The following MST1R variants were observed in gnomAD, a reference collection of about 807,000 sequenced individuals.
MST1R encodes macrophage stimulating 1 receptor, also known as macrophage-stimulating protein receptor.
MST1R carries 99 observed loss-of-function variants against 117.8 expected under a neutral mutation model. That is an observed-to-expected ratio of 0.84 (90% CI 0.71 to 0.99). MST1R has a LOEUF of 0.99. MST1R is among the 50% of genes least tolerant of loss of function. The probability of loss-of-function intolerance (pLI) is 0.00; values close to 1 mark genes in which losing one functional copy is unlikely to be tolerated. For missense variants in MST1R, 1,683 were observed against 1,840.2 expected (o/e 0.91, Z 1.56); for synonymous variants, 734 against 765.3 (o/e 0.96, Z 0.68).
At chr3:49,902,280 C>T in intron 1 of MST1R, 100 bp downstream of exon 1, 1 of 1,469,324 alleles carries the variant, frequency 6.8e-7, no homozygotes, top group Non-Finnish European at 9.1e-7. Context: ...CGCCTGCCCC[C>T]CCACCGCGCC....
chr3:49,900,158 T>A (rs2082628992), intron 1 of MST1R, among the ~76,000 whole-genome samples: 1 of 152,182 alleles, frequency 6.6e-6, no homozygotes, highest in Admixed American at 6.5e-5. Flanking sequence ...GGTCTGCCTG[T>A]ACTCCTGGCT....
At chr3:49,896,659 C>T in intron 8 of MST1R, 26 bp from the exon 9 acceptor site, 1 of 1,612,824 alleles carries the variant, frequency 6.2e-7, no homozygotes, top group Non-Finnish European at 8.5e-7. Context: ...GGGTGGTAGG[C>T]TTTGGGTGTT....
chr3:49,887,739 C>A (rs1036387457), intron 19 of MST1R, among the ~76,000 whole-genome samples, 177 bp from the exon 20 acceptor site: 1 of 152,254 alleles, frequency 6.6e-6, no homozygotes, highest in Admixed American at 6.5e-5. Context: ...CTGTTCCAGT[C>A]CTGCCTTCCC....
chr3:49,896,063 C>G lies in MST1R; in HGVS notation c.2694G>C (p.Val898=). The G allele has an allele frequency of 6.2e-7, 1 of 1,611,198 alleles. No homozygotes were observed. The highest frequency in any genetic ancestry group is 8.5e-7 in the Non-Finnish European group (1 of 1,178,378). Residue 898 remains valine (V), a synonymous_variant, in exon 11 of 20, where the codon GTG becomes GTC. Coordinates refer to ENST00000296474, the MANE Select transcript of MST1R (RefSeq NM_002447.4). ...GCTGGCAGCTCTCACCACCCACGGT[C>G]ACGTTGATACCCACACAGTCAGCCA... ...GAVADCVGIN[V]TVGGESCQHE...
intron 19 of MST1R, among the ~76,000 whole-genome samples, chr3:49,888,511 A>G (rs1414734592): frequency 9.3e-5 from 14 of 151,234 alleles, no homozygotes; most frequent in Non-Finnish European, 1.8e-4. Flanking sequence ...CTGAGGTAGG[A>G]GAATCACTTG....
Position 49,899,100 on chromosome 3 carries a change from C to T in MST1R, c.1394G>A (p.Gly465Asp), listed in dbSNP as rs34564898. 1.1e-5 allele frequency: 17 copies of T among 1,614,008 alleles called. No individual in the cohort carries two copies. In the East Asian group the frequency reaches 3.6e-4, roughly 34 times the overall value. Residue 465 changes from glycine (G) to aspartate (D), a missense_variant, in exon 2 of 20, where the codon GGC becomes GAC. Gly to Asp is a moderately conservative substitution (Grantham distance 94). Transcript: ENST00000296474. The part of the protein sequence containing the change: ...RLDNVTVAHM[G>D]TMDGRILQVE... ...CTGCAGGATACGCCCATCCATTGTG[C>T]CCATGTGTGCCACTGTGACGTTGTC...
chr3:49,902,528 C>T lies in MST1R; in HGVS notation c.1082G>A (p.Gly361Asp), dbSNP rs1405494753. The change falls in exon 1 of 20, where the codon GGC (glycine) becomes GAC (aspartate). Residue 361 changes from glycine (G) to aspartate (D), a missense_variant. Physicochemically the swap from Gly to Asp is moderately conservative, Grantham distance 94. Coordinates refer to ENST00000296474, the MANE Select transcript of MST1R (RefSeq NM_002447.4). ...GAAGGCACAGACGACAGAGTTGGGG[C>T]CCACGCCAGGACCACCATCCTTGCC... ...VTGKDGGPGV[G>D]PNSVVCAFPI... 1.2e-6 allele frequency: 2 copies of T among 1,614,094 alleles called. No individual in the cohort carries two copies. Among genetic ancestry groups the T allele is most frequent in the South Asian group, 1.1e-5 (1 of 91,090 alleles).
At position 49,891,392 on chromosome 3, in the gene MST1R, C is replaced by A. The variant is rs1423258169; in HGVS notation, c.3534+7G>T. ...AGCCCCCAACCCAGAGCCAGATGAA[C>A]ACTGACCCGCTGAGGTGAGCGGATG... On this transcript the variant is annotated splice_region_variant and intron_variant, in intron 16 of 19. Coordinates refer to ENST00000296474, the MANE Select transcript of MST1R (RefSeq NM_002447.4). 2 of 1,613,766 alleles carry A rather than the reference C, an allele frequency of 1.2e-6. No individual in the cohort carries two copies. Among genetic ancestry groups the A allele is most frequent in the Non-Finnish European group, 1.7e-6 (2 of 1,179,926 alleles).
rs2082421633 is a variant in MST1R, at chr3:49,895,074, G to C, written c.3271+93C>G. 5 of 1,388,812 alleles carry C rather than the reference G, an allele frequency of 3.6e-6. No homozygotes were observed. In the South Asian group the frequency reaches 6.0e-5, roughly 17 times the overall value. 86.0% of individuals were successfully genotyped at this position (1,388,812 alleles called of 1,614,324 possible). ...GATCTGCCCGCCTCGGCCTCCCAAA[G>C]TGCTGGGATTACAGGAGTGAGCCAC... On this transcript the variant is annotated intron_variant, in intron 14 of 19. Coordinates refer to ENST00000296474, the MANE Select transcript of MST1R (RefSeq NM_002447.4).
chr3:49,895,329 C>T lies in MST1R; in HGVS notation c.3109G>A (p.Gly1037Arg). The T allele has an allele frequency of 1.2e-6, 2 of 1,614,214 alleles. No homozygotes were observed. The highest frequency in any genetic ancestry group is 1.3e-5 in the African/African-American group (1 of 75,056). ...DGLDSTTCVH[G>R]ASFSDSEDES... ...TCTTCACTATCGGAGAAGGATGCTC[C>T]ATGGACACAAGTGGTGGAATCCAGA... Residue 1037 changes from glycine to arginine, a missense_variant, in exon 14 of 20, where the codon GGA (glycine) becomes AGA (arginine). By Grantham distance (125) the Gly-to-Arg change is moderately radical (BLOSUM62 -2). Coordinates refer to ENST00000296474, the MANE Select transcript of MST1R (RefSeq NM_002447.4).
At chr3:49,888,782 T>C (rs138006244) in intron 19 of MST1R, among the ~76,000 whole-genome samples, 62 of 152,270 alleles carry the variant, frequency 4.1e-4, no homozygotes, top group Non-Finnish European at 7.6e-4. Flanking sequence ...CATATAATTC[T>C]CAGACTCTCG....
chr3:49,894,840 G>C (rs530601104), intron 14 of MST1R, among the ~76,000 whole-genome samples: 1 of 149,954 alleles, frequency 6.7e-6, no homozygotes, highest in South Asian at 2.1e-4. Flanking sequence ...AAGGAGTCTC[G>C]CTCTGTCGCC....
rs1197686913 is a variant in MST1R at position 49,903,565 on chromosome 3, C to T, written c.45G>A (p.Leu15=). ...CCGCCGCGGGCTTGGCAGGCAACAGCAGCAGCAACAGGAAGGACTGAGGCA... is the reference window on the plus strand; with the variant it reads ...CCGCCGCGGGCTTGGCAGGCAACAGTAGCAGCAACAGGAAGGACTGAGGCA... ...PPLPQSFLLL[L]LLPAKPAAGE... Residue 15 remains leucine (L), a synonymous_variant, in exon 1 of 20, where the codon CTG becomes CTA. Coordinates refer to ENST00000296474, the MANE Select transcript of MST1R (RefSeq NM_002447.4). 3 of 1,589,002 alleles carry T rather than the reference C, an allele frequency of 1.9e-6. No individual in the cohort carries two copies. Among genetic ancestry groups the T allele is most frequent in the East Asian group, 4.5e-5 (2 of 44,774 alleles).
rs753559922 is a variant in MST1R at position 49,896,545 on chromosome 3, T to C, written c.2434A>G (p.Ser812Gly). 24 of 1,614,154 alleles carry C rather than the reference T, an allele frequency of 1.5e-5. No individual in the cohort carries two copies. The highest frequency in any genetic ancestry group is 1.3e-5 in the Non-Finnish European group (15 of 1,180,008). ...SFHDGLRAVE[S>G]RCERQLPEQQ... ...CCTGGCCAGCACTCACTCACCCTGC[T>C]TTCCACTGCCCTAAGCCCGTCATGG... Residue 812 changes from serine (S) to glycine (G), a missense_variant, in exon 9 of 20, where the codon AGC becomes GGC. Physicochemically the swap from Ser to Gly is moderately conservative, Grantham distance 56. Transcript: ENST00000296474.
Position 49,895,441 on chromosome 3 carries a change from T to C in MST1R, c.3064+6A>G, listed in dbSNP as rs778052429. ...GCTTTAGCTTCTCATGCCTCCACTA[T>C]CTCACCAAGGCCACTTCTGTAGTCA... is the stretch of plus-strand genomic sequence containing the variant. On this transcript the variant is annotated splice_donor_region_variant and intron_variant, in intron 13 of 19. Transcript: ENST00000296474. The C allele has an allele frequency of 7.4e-6, 12 of 1,614,004 alleles. No homozygotes were observed. The South Asian group carries it at 1.3e-4, about 18-fold the overall frequency.
Position 49,902,917 on chromosome 3 carries a change from G to GC in MST1R, c.692dup (p.Phe232LeufsTer17), listed in dbSNP as rs905652238. ...TGGGCAGCACTGACAACGCCACAAA[G>GC]CCCGGTGCGAATCCCGAGGCGTCAG... On this transcript the variant is annotated frameshift_variant, in exon 1 of 20. Coordinates refer to ENST00000296474, the MANE Select transcript of MST1R (RefSeq NM_002447.4). LOFTEE classifies it high-confidence loss of function. The GC allele has an allele frequency of 1.9e-5, 30 of 1,613,370 alleles. No homozygotes were observed. In the Admixed American group the frequency reaches 2.3e-4, roughly 13 times the overall value.
rs2082546153 is a variant in MST1R, at chr3:49,898,165, A to G, written c.1766T>C (p.Leu589Pro). The change falls in exon 5 of 20, where the codon CTG (leucine) becomes CCG (proline). Residue 589 changes from leucine (L) to proline (P), a missense_variant. By Grantham distance (98) the Leu-to-Pro change is moderately conservative. Coordinates refer to ENST00000296474, the MANE Select transcript of MST1R (RefSeq NM_002447.4). Reference protein sequence around the residue: ...GPLRGSTRLTLCGSNFYLHPS... With the variant: ...GPLRGSTRLTPCGSNFYLHPS... ...GTGAAGGTAGAAGTTGGAGCCACAC[A>G]GGGTCAGCCTTGTACTGCCCCTTAG... The G allele has an allele frequency of 1.9e-6, 3 of 1,613,978 alleles. No homozygotes were observed. The East Asian group carries it at 6.7e-5, about 36-fold the overall frequency.
rs2082470873 is a variant in MST1R at position 49,896,330 on chromosome 3, CA to C, written c.2513del (p.Val838GlyfsTer5). ...EYVVRDPQGW[V>X]AGNLSARGDG... The stretch of plus-strand genomic sequence containing the variant: ...CCCCTCGGGCACTCAGATTCCCTGC[CA>C]CCCATCCCTGGGGGTCTCGGACCAC... On this transcript the variant is annotated frameshift_variant, in exon 10 of 20. Transcript: ENST00000296474. LOFTEE classifies it high-confidence loss of function. The C allele has an allele frequency of 3.1e-6, 5 of 1,614,148 alleles. No individual in the cohort carries two copies. Among genetic ancestry groups the C allele is most frequent in the Non-Finnish European group, 4.2e-6 (5 of 1,180,030 alleles).
chr3:49,889,600 C>T (rs1371458472), intron 19 of MST1R, among the ~76,000 whole-genome samples: 3 of 151,996 alleles, frequency 2.0e-5, no homozygotes, highest in Non-Finnish European at 4.4e-5. Flanking sequence ...AATCTTTCCT[C>T]GAGATTAAAT....
Sources: allele counts gnomAD v4.1 joint callset (sites outside exome capture counted in the v4.1 genomes callset), GRCh38; gene constraint gnomAD v4.1.1; transcripts MANE v1.5; gene names NCBI Gene and HGNC (gene_info 2026-07-23, HGNC 2026-07-21).